The following TAF1 variants were observed in gnomAD, a reference collection of about 807,000 sequenced individuals.
The protein encoded by TAF1 is TATA-box binding protein associated factor 1.
TAF1 carries 2 observed loss-of-function variants against 138.5 expected under a neutral mutation model. That is an observed-to-expected ratio of 0.01 (90% confidence interval 0.01 to 0.05). The LOEUF (loss-of-function observed/expected upper bound fraction) is 0.05. Among genes scored for constraint, TAF1 ranks in the 10% least tolerant of loss-of-function variants. The pLI, the probability that TAF1 is intolerant of heterozygous loss-of-function variation, is 1.00. For missense variants in TAF1, 709 were observed against 1,478.0 expected (o/e 0.48, Z 8.53); for synonymous variants, 437 against 503.2 (o/e 0.87, Z 1.76).
chrX:71,453,101 GGAGGGAGAGGGA>G (rs373969731), intron 32 of TAF1, among the ~76,000 whole-genome samples: 17 of 110,228 alleles, frequency 1.5e-4, no homozygotes, highest in East Asian at 1.5e-3. Flanking sequence ...GAGAGGGAGA[GGAGGGAGAGGGA>G]GAGGGAGAGG....
chrX:71,475,584 CAAAAA>C (rs78014278), intron 13 of TAF1, among the ~76,000 whole-genome samples: 2 of 41,465 alleles, frequency 4.8e-5, no homozygotes, highest in South Asian at 1.3e-3. Context: ...GACTCCGTTT[CAAAAA>C]AAAAAAAAAA....
chrX:71,388,585 A>G (rs894590490), intron 16 of TAF1, 153 bp from the exon 17 acceptor site: 3 of 931,171 alleles, frequency 3.2e-6, no homozygotes, highest in Non-Finnish European at 4.4e-6. Context: ...TATGAGTTGT[A>G]GGAAACTTAG....
intron 13 of TAF1, among the ~76,000 whole-genome samples, chrX:71,485,170 C>T (rs1387732798): frequency 8.9e-6 from 1 of 111,980 alleles, no homozygotes; most frequent in Non-Finnish European, 1.9e-5. Flanking sequence ...ACAGTGAGGT[C>T]AATGCATGGT....
rs375004428 is a variant in TAF1, at chrX:71,382,746, A to C, written c.1666-15A>C. On this transcript the variant is annotated splice_polypyrimidine_tract_variant and intron_variant, in intron 10 of 37. Transcript: ENST00000423759. ...GGATAGTCTGACCGAGATTTGTTTG[A>C]TTATCTATCATTAGAACATGTCTCA... 2 of 1,204,634 alleles carry C rather than the reference A, an allele frequency of 1.7e-6. No individual in the cohort carries two copies. Among genetic ancestry groups the C allele is most frequent in the Non-Finnish European group, 2.2e-6 (2 of 892,209 alleles).
At chrX:71,380,627 G>A (rs1192837227) in intron 8 of TAF1, among the ~76,000 whole-genome samples, 1 of 111,130 alleles carries the variant, frequency 9.0e-6, no homozygotes, top group Non-Finnish European at 1.9e-5. Flanking sequence ...TCCTATTAGT[G>A]TAAATGAAAA....
chrX:71,510,052 C>T (rs1169956302), intron 13 of TAF1, among the ~76,000 whole-genome samples: 1 of 110,985 alleles, frequency 9.0e-6, no homozygotes, highest in African/African-American at 3.3e-5. Flanking sequence ...GTCTCAGCTA[C>T]TCAGGAGGCT....
intron 19 of TAF1, 67 bp downstream of exon 19, chrX:71,392,785 G>A (rs2034634647): frequency 8.4e-7 from 1 of 1,190,144 alleles, no homozygotes; most frequent in African/African-American, 1.8e-5. Flanking sequence ...TGGAGGACTT[G>A]GAATGTAGTT....
intron 13 of TAF1, among the ~76,000 whole-genome samples, chrX:71,493,364 G>A (rs1257554622): frequency 8.9e-6 from 1 of 112,075 alleles, no homozygotes; most frequent in Non-Finnish European, 1.9e-5. Flanking sequence ...AAGCAAACAC[G>A]CTCTAGCCCT....
At position 71,377,690 on chromosome X, in the gene TAF1, C is replaced by T. The variant is rs1399230018; in HGVS notation, c.802C>T (p.Arg268Cys). ...TCGGAGAAAGAGGAAGAAGAAGCAC[C>T]GTGAGCTGATACAGGAAGAGCAGAT... ...SARRKRKKKH[R>C]ELIQEEQIQE... Residue 268 changes from arginine (R) to cysteine (C), a missense_variant, in exon 6 of 38, where the codon CGT becomes TGT. Around this residue, in one of 14 missense-constraint regions of TAF1, gnomAD observed 26 missense variants for 20.9 expected, o/e 1.25. Coordinates refer to ENST00000423759, the MANE Select transcript of TAF1 (RefSeq NM_004606.5). The T allele has an allele frequency of 5.8e-6, 7 of 1,209,476 alleles. No homozygotes were observed. Among genetic ancestry groups the T allele is most frequent in the African/African-American group, 1.8e-5 (1 of 56,995 alleles).
At chrX:71,507,557 A>T (rs761284254) in intron 13 of TAF1, among the ~76,000 whole-genome samples, 1,758 of 111,337 alleles carry the variant, frequency 0.016, 43 homozygotes, top group African/African-American at 0.055. Context: ...AGAGGAATGC[A>T]TCAAATGCAT....
intron 4 of TAF1, 112 bp downstream of exon 4, chrX:71,375,398 C>G (rs1602452664): frequency 2.0e-6 from 2 of 985,942 alleles, no homozygotes; most frequent in Non-Finnish European, 2.7e-6. Context: ...GACAAAACTT[C>G]TAGAAATAAT....
At chrX:71,389,726 G>A in intron 18 of TAF1, 61 bp downstream of exon 18, 1 of 923,395 alleles carries the variant, frequency 1.1e-6, no homozygotes, top group Non-Finnish European at 1.5e-6. Context: ...TTTTAAAAGA[G>A]ACAGCTTTAT....
At chrX:71,529,832 G>A in exon 15 of TAF1, 1 of 316,968 alleles carries the variant, frequency 3.2e-6, no homozygotes, top group South Asian at 2.8e-5. Context: ...GTAAGCCAAG[G>A]AGAGGACTAC....
intron 35 of TAF1, 148 bp from the exon 36 acceptor site, chrX:71,459,404 C>T: frequency 9.7e-7 from 1 of 1,027,074 alleles, no homozygotes; most frequent in Non-Finnish European, 1.3e-6. Flanking sequence ...ACTAAACAGT[C>T]TATCCACCAA....
chrX:71,386,764 GTTGTT>G (rs2034257437), intron 14 of TAF1, among the ~76,000 whole-genome samples: 1 of 112,828 alleles, frequency 8.9e-6, no homozygotes, highest in Non-Finnish European at 1.9e-5. Context: ...TGTGCCCGGC[GTTGTT>G]TTGTTTTTTA....
chrX:71,498,204 C>T (rs1020375321), intron 13 of TAF1, among the ~76,000 whole-genome samples: 10 of 111,609 alleles, frequency 9.0e-5, no homozygotes, highest in Non-Finnish European at 1.3e-4. Context: ...GGGGCAAGAC[C>T]GTCACATAAG....
chrX:71,461,060 CAA>C (rs1399988699), intron 37 of TAF1: 1 of 343,942 alleles, frequency 2.9e-6, no homozygotes, highest in Admixed American at 5.2e-5. Flanking sequence ...GTAAGTAAGA[CAA>C]AGTGCCAAAG....
intron 13 of TAF1, among the ~76,000 whole-genome samples, chrX:71,510,046 C>G (rs758891353): frequency 9.0e-6 from 1 of 111,023 alleles, no homozygotes; most frequent in East Asian, 2.8e-4. Flanking sequence ...CCTGTAGTCT[C>G]AGCTACTCAG....
In TAF1 at chrX:71,483,803, T is replaced by C. The variant is rs181418938; in HGVS notation, c.1366+23000T>C. Among the ~76,000 whole-genome samples the C allele has an allele frequency of 7.2e-3, 665 of 92,791 alleles. 8 individuals carry two copies. Among genetic ancestry groups the C allele is most frequent in the African/African-American group, 0.01 (236 of 23,350 alleles). The allele number at this position is 92,791 out of a possible 115,157, so 80.6% of individuals were successfully genotyped here. A position where few individuals can be genotyped will look rare whatever the true frequency, so the allele number is the denominator to read the frequency against. On this transcript the variant is annotated intron_variant and NMD_transcript_variant, in intron 13 of 14. Transcript: ENST00000373775. ...CTCTATATATATATATATATATATA[T>C]ACACACACATCCCTCATTATTTTTT...
Sources: allele counts gnomAD v4.1 joint callset (sites outside exome capture counted in the v4.1 genomes callset), GRCh38; gene constraint gnomAD v4.1.1; regional missense constraint gnomAD v4.1.1; transcripts MANE v1.5; gene names NCBI Gene and HGNC (gene_info 2026-07-23, HGNC 2026-07-21).